FTO: variants seen among roughly 807,000 people sequenced by gnomAD.
FTO encodes alpha-ketoglutarate-dependent dioxygenase FTO.
A neutral mutation model predicts 63.9 loss-of-function variants in FTO; 47 were observed. That is an observed-to-expected ratio of 0.74 (90% CI 0.58 to 0.94). FTO has a LOEUF of 0.94. FTO is among the 40% of genes least tolerant of loss of function. FTO has a pLI of 0.00. For synonymous variants in FTO, 207 were observed against 224.4 expected (o/e 0.92, Z 0.69); for missense variants, 562 against 618.1 (o/e 0.91, Z 0.96).
intron 1 of FTO, among the ~76,000 whole-genome samples, chr16:53,742,247 G>A (rs1314307227): frequency 1.3e-5 from 2 of 152,196 alleles, no homozygotes; most frequent in African/African-American, 2.4e-5. Flanking sequence ...TCATTTAAAT[G>A]TGGTGGGTAG....
rs193118746 is a variant in FTO, at chr16:53,858,008, T to C, written c.895+13710T>C. ...ATATAAAAGTATCAGGGAAAAAAGA[T>C]GCAAAATGTTTGTACAACATGATAT... On this transcript the variant is annotated intron_variant, in intron 4 of 8. Coordinates refer to ENST00000471389, the MANE Select transcript of FTO (RefSeq NM_001080432.3). Among the ~76,000 whole-genome samples, 384 of 152,208 alleles carry C rather than the reference T, an allele frequency of 2.5e-3. 4 individuals are homozygous for C. Among genetic ancestry groups the C allele is most frequent in the African/African-American group, 8.3e-3 (343 of 41,550 alleles).
At chr16:54,108,084 A>AC (rs1412013482) in intron 8 of FTO, among the ~76,000 whole-genome samples, 2 of 152,204 alleles carry the variant, frequency 1.3e-5, no homozygotes, top group Non-Finnish European at 2.9e-5. Flanking sequence ...AGGGACAGGT[A>AC]CCCCACAGGA....
chr16:53,788,721 A>T (rs1359631367), intron 1 of FTO, among the ~76,000 whole-genome samples: 1 of 151,464 alleles, frequency 6.6e-6, no homozygotes, highest in Non-Finnish European at 1.5e-5. Context: ...TTTTCATTCT[A>T]CCTGTCTTTA....
chr16:53,952,711 A>G (rs1315200010), intron 8 of FTO, among the ~76,000 whole-genome samples: 1 of 152,174 alleles, frequency 6.6e-6, no homozygotes, highest in Non-Finnish European at 1.5e-5. Context: ...AATGTGCTGA[A>G]ATGGGTGGAA....
intron 7 of FTO, among the ~76,000 whole-genome samples, chr16:53,915,270 C>T (rs1244764733): frequency 1.3e-5 from 2 of 152,158 alleles, no homozygotes; most frequent in African/African-American, 4.8e-5. Context: ...TTCTTTTTAA[C>T]ACTTTACATT....
intron 1 of FTO, among the ~76,000 whole-genome samples, chr16:53,706,788 G>A (rs1032165473): frequency 6.6e-6 from 1 of 152,182 alleles, no homozygotes; most frequent in Non-Finnish European, 1.5e-5. Flanking sequence ...ACTGTATGGA[G>A]ATACCACATG....
At chr16:53,981,101 A>T (rs2083531831) in intron 8 of FTO, 1 of 152,182 alleles carries the variant, frequency 6.6e-6, no homozygotes, top group African/African-American at 2.4e-5. Context: ...AGGCAGGAGG[A>T]TCACTTGAGG....
chr16:53,900,252 A>G (rs901780170), intron 7 of FTO, among the ~76,000 whole-genome samples: 3 of 152,184 alleles, frequency 2.0e-5, no homozygotes, highest in Non-Finnish European at 4.4e-5. Flanking sequence ...AGTTGAGTTA[A>G]TTAAGCAGTG....
At position 54,119,975 on chromosome 16, in the gene FTO, GGTT is replaced by G. The variant is rs2086994553; in HGVS notation, c.*8064_*8066del. The G allele has an allele frequency of 6.6e-6, 1 of 152,212 alleles. No homozygotes were observed. Among genetic ancestry groups the G allele is most frequent in the African/African-American group, 2.4e-5 (1 of 41,452 alleles). 9.4% of individuals were successfully genotyped at this position (152,212 alleles called of 1,614,324 possible). A position where few individuals can be genotyped will look rare whatever the true frequency, so the allele number is the denominator to read the frequency against. ...ATTTCCCAAGATTTAGACTGGGTCG[GGTT>G]GTTATTTCTTTTTTCCCTGAGCTTT... On this transcript the variant is annotated 3_prime_UTR_variant, in exon 9 of 9. Transcript: ENST00000471389.
chr16:53,744,359 C>A (rs1441412146), intron 1 of FTO, among the ~76,000 whole-genome samples: 1 of 152,192 alleles, frequency 6.6e-6, no homozygotes, highest in Non-Finnish European at 1.5e-5. Flanking sequence ...TTCCAAATTT[C>A]TCTGGTTGCC....
intron 2 of FTO, among the ~76,000 whole-genome samples, chr16:53,815,692 A>G (rs1028444736): frequency 3.2e-5 from 4 of 126,022 alleles, no homozygotes; most frequent in Non-Finnish European, 4.6e-5. Flanking sequence ...TCTGTCACCC[A>G]GACTGGAATG....
intron 3 of FTO, among the ~76,000 whole-genome samples, chr16:53,843,265 G>C (rs1042587338): frequency 1.3e-5 from 2 of 152,128 alleles, no homozygotes; most frequent in African/African-American, 4.8e-5. Flanking sequence ...ATTTCTATAA[G>C]AGTCAAAGAG....
chr16:53,771,381 C>T (rs2077334674), intron 1 of FTO, among the ~76,000 whole-genome samples: 2 of 152,262 alleles, frequency 1.3e-5, no homozygotes, highest in African/African-American at 4.8e-5. Context: ...AATCCAACCA[C>T]TTCTTACAAC....
chr16:53,783,789 GA>G lies in FTO; in HGVS notation c.46-26339del, dbSNP rs999158734. Among the ~76,000 whole-genome samples the G allele has an allele frequency of 9.3e-3, 1,354 of 145,656 alleles. 10 individuals carry two copies. Among genetic ancestry groups the G allele is most frequent in the Non-Finnish European group, 0.013 (851 of 65,780 alleles). On this transcript the variant is annotated intron_variant, in intron 1 of 8. Coordinates refer to ENST00000471389, the MANE Select transcript of FTO (RefSeq NM_001080432.3). ...GGTGACAGAGTGAGACTTTGTCTCG[GA>G]AAAAAAAAAAATTAATTTGAATGCA...
chr16:53,971,042 A>G (rs2083305389), intron 8 of FTO, among the ~76,000 whole-genome samples: 2 of 152,202 alleles, frequency 1.3e-5, no homozygotes, highest in South Asian at 4.1e-4. Flanking sequence ...TTTTATATAC[A>G]TGTTTTAAAA....
intron 7 of FTO, among the ~76,000 whole-genome samples, chr16:53,931,294 GTGACTTTT>G (rs2082275502): frequency 1.5e-5 from 2 of 134,680 alleles, no homozygotes; most frequent in African/African-American, 5.6e-5. Flanking sequence ...CACAAACTAT[GTGACTTTT>G]TTTTTTTTTT....
chr16:54,108,006 A>G (rs147165913), intron 8 of FTO, among the ~76,000 whole-genome samples: 1 of 152,274 alleles, frequency 6.6e-6, no homozygotes, highest in East Asian at 1.9e-4. Context: ...GCTTAAGCCA[A>G]TCAAGGCTCT....
At chr16:53,789,862 ATG>A (rs2077852661) in intron 1 of FTO, among the ~76,000 whole-genome samples, 1 of 133,564 alleles carries the variant, frequency 7.5e-6, no homozygotes. Flanking sequence ...ATATAAATGT[ATG>A]TATATATATA....
At chr16:53,831,704 G>A (rs1386070559) in intron 3 of FTO, among the ~76,000 whole-genome samples, 1 of 152,170 alleles carries the variant, frequency 6.6e-6, no homozygotes, top group Non-Finnish European at 1.5e-5. Flanking sequence ...AGGTAGGAGA[G>A]CCAGGCAAGG....
Sources: gnomAD v4.1 joint callset for allele counts (sites outside exome capture counted in the v4.1 genomes callset) on GRCh38, gnomAD v4.1.1 for gene constraint, MANE v1.5 for transcripts, NCBI Gene and HGNC (gene_info 2026-07-23, HGNC 2026-07-21) for gene names.